Variants in MATN2 observed in about 807,000 individuals in gnomAD.
MATN2 encodes matrilin-2.
A neutral mutation model predicts 103.2 loss-of-function variants in MATN2; 69 were observed. That is an observed-to-expected ratio of 0.67 (90% confidence interval 0.55 to 0.82). The LOEUF is 0.82. Among genes scored for constraint, MATN2 ranks in the 40% least tolerant of loss-of-function variants. The pLI is 0.00. For missense variants in MATN2, 1,023 were observed against 1,211.5 expected (o/e 0.84, Z 2.31); for synonymous variants, 429 against 450.2 (o/e 0.95, Z 0.60).
rs1426583206 is a variant in MATN2 at position 97,997,357 on chromosome 8, A to G, written c.1204+2755A>G. ...TCAGGACCTGGATTTCCTAAACTGT[A>G]GGAACAGGACTTCCTGCCTTAACAC... On this transcript the variant is annotated intron_variant, in intron 7 of 18. Transcript: ENST00000254898. Among the ~76,000 whole-genome samples, 4 of 152,212 alleles carry G rather than the reference A, an allele frequency of 2.6e-5. No individual in the cohort carries two copies. The East Asian group carries it at 5.8e-4, about 22-fold the overall frequency.
chr8:97,898,350 C>T (rs1818881598), intron 2 of MATN2, among the ~76,000 whole-genome samples: 1 of 152,082 alleles, frequency 6.6e-6, no homozygotes, highest in Non-Finnish European at 1.5e-5. Context: ...AATCCCAGCA[C>T]TTGGGGAGGC....
intron 4 of MATN2, among the ~76,000 whole-genome samples, chr8:97,943,088 G>A (rs972113518): frequency 6.6e-6 from 1 of 151,988 alleles, no homozygotes; most frequent in Non-Finnish European, 1.5e-5. Flanking sequence ...AAGATCTGAC[G>A]CTTCCTCAAA....
intron 4 of MATN2, among the ~76,000 whole-genome samples, chr8:97,957,681 G>A (rs1188294218): frequency 3.3e-5 from 5 of 152,214 alleles, no homozygotes; most frequent in Non-Finnish European, 7.3e-5. Flanking sequence ...TTGTTTAGAA[G>A]AGGAAAGCTG....
chr8:98,013,106 A>G (rs1022287829), intron 10 of MATN2, among the ~76,000 whole-genome samples: 4 of 152,162 alleles, frequency 2.6e-5, no homozygotes, highest in Non-Finnish European at 5.9e-5. Flanking sequence ...GCATTTTCCT[A>G]TAGGGGAGTA....
chr8:97,984,361 G>A (rs1180979388), intron 6 of MATN2, among the ~76,000 whole-genome samples: 1 of 152,228 alleles, frequency 6.6e-6, no homozygotes, highest in Non-Finnish European at 1.5e-5. Flanking sequence ...TGGCCACTAA[G>A]AGTGAGTCAT....
intron 2 of MATN2, among the ~76,000 whole-genome samples, chr8:97,921,890 T>G (rs1332508932): frequency 6.6e-6 from 1 of 151,762 alleles, no homozygotes; most frequent in African/African-American, 2.4e-5. Context: ...CCGATCTCAG[T>G]CCGTGGCCTG....
intron 2 of MATN2, among the ~76,000 whole-genome samples, chr8:97,898,134 CAT>C (rs1011659655): frequency 3.0e-4 from 45 of 152,264 alleles, no homozygotes; most frequent in African/African-American, 1.1e-3. Flanking sequence ...ACCTGCAACT[CAT>C]GTGTGTGTCA....
At position 97,916,017 on chromosome 8, in the gene MATN2, A is replaced by G. The variant is rs561056900; in HGVS notation, c.143-14936A>G. Among the ~76,000 whole-genome samples the G allele has an allele frequency of 2.8e-4, 43 of 151,622 alleles. 1 individual carries two copies. The South Asian group carries it at 8.7e-3, about 31-fold the overall frequency. On this transcript the variant is annotated intron_variant, in intron 2 of 18. Coordinates refer to ENST00000254898, the MANE Select transcript of MATN2 (RefSeq NM_002380.5). The stretch of plus-strand genomic sequence containing the variant: ...CAGTCAGCTCATTTTTTAAAAGAAA[A>G]TGTTTTAATATCACTGGCTATGGTT...
In MATN2 at chr8:98,005,920, C is replaced by T. The variant is rs915224424; in HGVS notation, c.1328-1185C>T. On this transcript the variant is annotated intron_variant, in intron 8 of 18. Coordinates refer to ENST00000254898, the MANE Select transcript of MATN2 (RefSeq NM_002380.5). This position sits in a 1 kb window ranked among gnomAD's most constrained non-coding sequence, Gnocchi z 4.6. ...TAGCTCCCAAGATCCAGCAAGTGTT[C>T]GCAGGAGATGCATCCACCAGTGGAA... Among the ~76,000 whole-genome samples, 10 of 152,322 alleles carry T rather than the reference C, an allele frequency of 6.6e-5. No homozygotes were observed. The highest frequency in any genetic ancestry group is 2.0e-4 in the Admixed American group (3 of 15,310).
chr8:98,027,804 G>C lies in MATN2; in HGVS notation c.2331G>C (p.Glu777Asp). 6.3e-7 allele frequency: 1 copy of C among 1,585,364 alleles called. No homozygotes were observed. Among genetic ancestry groups the C allele is most frequent in the Non-Finnish European group, 8.6e-7 (1 of 1,167,102 alleles). The change falls in exon 14 of 19, where the codon GAG (glutamate) becomes GAC (aspartate). Residue 777 changes from glutamate (E) to aspartate (D), a missense_variant. Coordinates refer to ENST00000254898, the MANE Select transcript of MATN2 (RefSeq NM_002380.5). ...GACGGGCTCAGGATGACGTCTCCGA[G>C]TGGGCCAGTAAAGCCAAGGCCAATG... ...TDGRAQDDVSEWASKAKANGI... is the reference protein window; with the variant it reads ...TDGRAQDDVSDWASKAKANGI...
chr8:97,947,271 C>G (rs1161275881), intron 4 of MATN2, among the ~76,000 whole-genome samples: 2 of 152,168 alleles, frequency 1.3e-5, no homozygotes, highest in Non-Finnish European at 1.5e-5. Flanking sequence ...ACTCAGGAGG[C>G]TGAGGCAGGA....
At chr8:97,984,283 A>T (rs1244132778) in intron 6 of MATN2, among the ~76,000 whole-genome samples, 1 of 152,196 alleles carries the variant, frequency 6.6e-6, no homozygotes, top group Non-Finnish European at 1.5e-5. Context: ...GATTCCCTAG[A>T]CTGAGCTGAT....
intron 2 of MATN2, among the ~76,000 whole-genome samples, chr8:97,911,079 C>A (rs922181358): frequency 6.6e-6 from 1 of 152,168 alleles, no homozygotes; most frequent in Admixed American, 6.5e-5. Flanking sequence ...ACCTCCACCT[C>A]CCGCCTTCAA....
chr8:97,950,784 T>C (rs1443906448), intron 4 of MATN2: 2 of 152,204 alleles, frequency 1.3e-5, no homozygotes, highest in Non-Finnish European at 2.9e-5. Context: ...GATGGATAAC[T>C]GCAGAGAGGA....
At position 98,003,693 on chromosome 8, in the gene MATN2, T is replaced by C; in HGVS notation, c.1237T>C (p.Cys413Arg). 2 of 1,613,872 alleles carry C rather than the reference T, an allele frequency of 1.2e-6. No individual in the cohort carries two copies. The highest frequency in any genetic ancestry group is 1.7e-6 in the Non-Finnish European group (2 of 1,179,818). Residue 413 changes from cysteine (C) to arginine (R), a missense_variant, in exon 8 of 19, where the codon TGT becomes CGT. Coordinates refer to ENST00000254898, the MANE Select transcript of MATN2 (RefSeq NM_002380.5). ...CTACTGTGCACTGAACAAACCGGGCTGTGAGCATGAGTGCGTCAACATGGA... is the reference window on the plus strand; with the variant it reads ...CTACTGTGCACTGAACAAACCGGGCCGTGAGCATGAGTGCGTCAACATGGA... ...INYCALNKPG[C>R]EHECVNMEES... is the part of the protein sequence containing the mutation.
At chr8:97,964,065 G>A (rs10106409) in intron 5 of MATN2, among the ~76,000 whole-genome samples, 2,835 of 152,296 alleles carry the variant, frequency 0.019, 85 homozygotes, top group African/African-American at 0.064. Context: ...AATGTCCAAG[G>A]CAGGGGGAGA....
At chr8:98,032,056 A>T (rs1052918531) in intron 15 of MATN2, 190 bp from the exon 16 acceptor site, 9 of 441,550 alleles carry the variant, frequency 2.0e-5, no homozygotes, top group African/African-American at 1.2e-4. Context: ...ACGAGAGAGA[A>T]TTGCCCTAGA....
intron 5 of MATN2, among the ~76,000 whole-genome samples, chr8:97,973,761 G>A (rs1302892210): frequency 6.6e-6 from 1 of 151,698 alleles, no homozygotes; most frequent in Non-Finnish European, 1.5e-5. Context: ...GTAGAGATGG[G>A]GTCTCGCTAT....
At chr8:97,941,375 A>G (rs1488437057) in intron 3 of MATN2, among the ~76,000 whole-genome samples, 1 of 152,138 alleles carries the variant, frequency 6.6e-6, no homozygotes, top group Non-Finnish European at 1.5e-5. Flanking sequence ...TTGCTTATTT[A>G]ATAGCTTTTC....
Sources: allele counts gnomAD v4.1 joint callset (sites outside exome capture counted in the v4.1 genomes callset), GRCh38; gene constraint gnomAD v4.1.1; non-coding constraint Gnocchi (gnomAD v3.1); transcripts MANE v1.5; gene names NCBI Gene and HGNC (gene_info 2026-07-23, HGNC 2026-07-21).